The following GALNT13 variants were observed in gnomAD, a reference collection of about 807,000 sequenced individuals.
GALNT13 encodes the protein UDP-GalNAc:polypeptide N-acetylgalactosaminyltransferase 13.
GALNT13 carries 28 observed loss-of-function variants against 64.2 expected under a neutral mutation model. That is an observed-to-expected ratio of 0.44 (90% CI 0.32 to 0.60). The LOEUF (loss-of-function observed/expected upper bound fraction) is 0.60, where lower values mean the gene tolerates loss of function less well. Ranked by LOEUF, GALNT13 falls within the 20% of genes least tolerant of loss-of-function variation. The pLI, the probability that GALNT13 is intolerant of heterozygous loss-of-function variation, is 0.05. For synonymous variants in GALNT13, 214 were observed against 224.6 expected (o/e 0.95, Z 0.42); for missense variants, 577 against 669.8 (o/e 0.86, Z 1.53).
the GALNT13 span, among the ~76,000 whole-genome samples, chr2:153,630,470 G>T: frequency 8.3e-6 from 1 of 120,172 alleles, no homozygotes; most frequent in Non-Finnish European, 1.7e-5. Flanking sequence ...TACACAGGAG[G>T]GGGAACATCA....
chr2:153,078,360 G>C, the GALNT13 span, among the ~76,000 whole-genome samples: 1 of 143,586 alleles, frequency 7.0e-6, no homozygotes, highest in Admixed American at 7.2e-5. Context: ...ACTCCAGGCT[G>C]ATGTACAGTG....
At chr2:153,070,026 CACTT>C in the GALNT13 span, among the ~76,000 whole-genome samples, 6 of 152,308 alleles carry the variant, frequency 3.9e-5, no homozygotes, top group East Asian at 1.2e-3. Context: ...CTGGTAAACT[CACTT>C]ACTCACTCAG....
rs531760310 is a variant in GALNT13, at chr2:154,065,675, T to C, written c.143-74662T>C. On this transcript the variant is annotated intron_variant, in intron 3 of 12. Coordinates refer to ENST00000392825, the MANE Select transcript of GALNT13 (RefSeq NM_052917.4). ...ATTACTGGGTTTGGGGTCCCCCTAATGCAGATATGGCTGCAGTGACCAAAA... is the reference window on the plus strand; with the variant it reads ...ATTACTGGGTTTGGGGTCCCCCTAACGCAGATATGGCTGCAGTGACCAAAA... Among the ~76,000 whole-genome samples the C allele has an allele frequency of 3.9e-5, 6 of 152,316 alleles. No homozygotes were observed. The East Asian group carries it at 1.2e-3, about 29-fold the overall frequency.
chr2:153,632,789 T>A, the GALNT13 span, among the ~76,000 whole-genome samples: 1 of 152,084 alleles, frequency 6.6e-6, no homozygotes, highest in Non-Finnish European at 1.5e-5. Context: ...TCTCACTCTT[T>A]TTGCCCAGGC....
intron 4 of GALNT13, among the ~76,000 whole-genome samples, chr2:154,155,661 C>T (rs1026502302): frequency 6.6e-6 from 1 of 151,970 alleles, no homozygotes; most frequent in Admixed American, 6.6e-5. Flanking sequence ...TAAAAATTCT[C>T]ATTGTATATT....
chr2:153,567,597 G>A, the GALNT13 span, among the ~76,000 whole-genome samples: 8 of 152,300 alleles, frequency 5.3e-5, no homozygotes, highest in South Asian at 4.1e-4. Context: ...ACCAAAGTCC[G>A]TGGGTAAAGA....
chr2:153,675,559 G>A, the GALNT13 span, among the ~76,000 whole-genome samples: 1 of 152,136 alleles, frequency 6.6e-6, no homozygotes, highest in Non-Finnish European at 1.5e-5. Context: ...TGGGGGGCTG[G>A]GGGAGGGATA....
At chr2:153,403,101 T>C in the GALNT13 span, among the ~76,000 whole-genome samples, 1 of 151,570 alleles carries the variant, frequency 6.6e-6, no homozygotes, top group Non-Finnish European at 1.5e-5. Context: ...TACAGATGGG[T>C]TTTTGGTGTG....
chr2:153,625,787 T>C, the GALNT13 span, among the ~76,000 whole-genome samples: 2 of 152,070 alleles, frequency 1.3e-5, no homozygotes, highest in African/African-American at 2.4e-5. Context: ...CAGGGGATCG[T>C]TCTTCATTCT....
At chr2:154,016,863 T>A (rs186072739) in intron 3 of GALNT13, among the ~76,000 whole-genome samples, 1 of 152,284 alleles carries the variant, frequency 6.6e-6, no homozygotes, top group African/African-American at 2.4e-5. Context: ...AAATGATCAT[T>A]GTTGAAAAGA....
chr2:154,058,786 G>T (rs1225678266), intron 3 of GALNT13, among the ~76,000 whole-genome samples: 1 of 152,142 alleles, frequency 6.6e-6, no homozygotes, highest in Non-Finnish European at 1.5e-5. Flanking sequence ...AGGTACCTCA[G>T]GGCCTTTTAA....
chr2:153,726,834 G>A, the GALNT13 span, among the ~76,000 whole-genome samples: 2 of 151,738 alleles, frequency 1.3e-5, no homozygotes, highest in Non-Finnish European at 2.9e-5. Flanking sequence ...CAGCTACTCA[G>A]GAGGCTGAGG....
At chr2:153,597,237 C>A in the GALNT13 span, among the ~76,000 whole-genome samples, 1 of 152,054 alleles carries the variant, frequency 6.6e-6, no homozygotes, top group African/African-American at 2.4e-5. Flanking sequence ...ACGGTCACAG[C>A]AGAGCATTAA....
intron 3 of GALNT13, among the ~76,000 whole-genome samples, chr2:153,958,342 C>G (rs1040413221): frequency 6.6e-6 from 1 of 152,082 alleles, no homozygotes; most frequent in Non-Finnish European, 1.5e-5. Context: ...GTAACATGAG[C>G]CAGTAAAGGT....
At chr2:154,091,654 T>C (rs1429403017) in intron 3 of GALNT13, among the ~76,000 whole-genome samples, 1 of 151,970 alleles carries the variant, frequency 6.6e-6, no homozygotes, top group Non-Finnish European at 1.5e-5. Flanking sequence ...TTTCAGTGTC[T>C]TCTGTAATAT....
intron 9 of GALNT13, among the ~76,000 whole-genome samples, chr2:154,342,733 T>C (rs1161799361): frequency 1.3e-5 from 2 of 151,980 alleles, no homozygotes; most frequent in Non-Finnish European, 2.9e-5. Flanking sequence ...TCTCCGGCCC[T>C]TTACAGACAA....
chr2:154,274,041 G>C (rs1175824164), intron 8 of GALNT13, among the ~76,000 whole-genome samples: 6 of 151,858 alleles, frequency 4.0e-5, no homozygotes, highest in South Asian at 4.2e-4. Flanking sequence ...TTATACTTCA[G>C]ATCACCTCTA....
chr2:154,323,569 T>C (rs1460384199), intron 9 of GALNT13, among the ~76,000 whole-genome samples: 1 of 152,246 alleles, frequency 6.6e-6, no homozygotes, highest in African/African-American at 2.4e-5. Flanking sequence ...CATTGAGTTA[T>C]GTATCTTACT....
intron 8 of GALNT13, among the ~76,000 whole-genome samples, chr2:154,293,800 C>T (rs1692770376): frequency 6.6e-6 from 1 of 152,130 alleles, no homozygotes; most frequent in Non-Finnish European, 1.5e-5. Flanking sequence ...TCGAGGTAGT[C>T]ATTGTGGACT....
Sources: gnomAD v4.1 joint callset for allele counts (sites outside exome capture counted in the v4.1 genomes callset) on GRCh38, gnomAD v4.1.1 for gene constraint, MANE v1.5 for transcripts, NCBI Gene and HGNC (gene_info 2026-07-23, HGNC 2026-07-21) for gene names.